Variants in IL17RB observed in about 807,000 individuals in gnomAD.
IL17RB encodes interleukin-17 receptor B.
In IL17RB, 36 loss-of-function variants were observed where a neutral mutation model predicts 43.9. That is an observed-to-expected ratio of 0.82 (90% CI 0.63 to 1.08). The LOEUF (loss-of-function observed/expected upper bound fraction) is 1.08. Among genes scored for constraint, IL17RB ranks in the 50% least tolerant of loss-of-function variants. The pLI is 0.00. For synonymous variants in IL17RB, 225 were observed against 225.4 expected (o/e 1.00, Z 0.02); for missense variants, 613 against 613.6 (o/e 1.00, Z 0.01).
intron 10 of IL17RB, chr3:53,860,787 A>G (rs1280897584): frequency 6.6e-6 from 1 of 152,226 alleles, no homozygotes; most frequent in Non-Finnish European, 1.5e-5. Context: ...AGAAAAAGGT[A>G]TGTCATAAAT....
In IL17RB at chr3:53,864,929, G is replaced by A; in HGVS notation, c.1130G>A (p.Gly377Asp). The change falls in exon 11 of 11, where the codon GGT becomes GAT. Residue 377 changes from glycine to aspartate, a missense_variant. Gly to Asp is a moderately conservative substitution (Grantham distance 94). Transcript: ENST00000288167. The part of the protein sequence containing the change: ...KWQKKKIAEM[G>D]PVQWLATQKK... ...CAGAAAAAGAAAATAGCAGAGATGG[G>A]TCCAGTGCAGTGGCTTGCCACTCAA... 2 of 1,614,198 alleles carry A rather than the reference G, an allele frequency of 1.2e-6. No homozygotes were observed. Among genetic ancestry groups the A allele is most frequent in the Non-Finnish European group, 1.7e-6 (2 of 1,180,024 alleles).
rs950804575 is a variant in IL17RB, at chr3:53,864,611, C to T, written c.947-135C>T. ...TCAAAAGGAACATCAGGATGTTTTT[C>T]CTTGCTGTCACTAACAAGGCCCTTG... is the stretch of plus-strand genomic sequence containing the variant. On this transcript the variant is annotated intron_variant, in intron 10 of 10. Transcript: ENST00000288167. 19 of 687,608 alleles carry T rather than the reference C, an allele frequency of 2.8e-5. No homozygotes were observed. In the African/African-American group the frequency reaches 3.0e-4, roughly 11 times the overall value. The allele number at this position is 687,608 out of a possible 1,614,324, so 42.6% of individuals were successfully genotyped here.
chr3:53,858,997 G>A (rs1255232912), intron 9 of IL17RB, 179 bp downstream of exon 9: 1 of 507,126 alleles, frequency 2.0e-6, no homozygotes, highest in African/African-American at 1.9e-5. Context: ...TAGAATCTGA[G>A]TAAGAACAGG....
intron 1 of IL17RB, among the ~76,000 whole-genome samples, chr3:53,848,296 G>T (rs150925818): frequency 6.6e-6 from 1 of 152,332 alleles, no homozygotes; most frequent in South Asian, 2.1e-4. Flanking sequence ...ACTCTAGGCC[G>T]TCCTAAAAAC....
intron 6 of IL17RB, among the ~76,000 whole-genome samples, chr3:53,856,190 G>T (rs1699327249): frequency 6.6e-6 from 1 of 152,208 alleles, no homozygotes; most frequent in Non-Finnish European, 1.5e-5. Context: ...ACAGTTCTGA[G>T]CCAGGGCCTC....
chr3:53,858,842 A>G, intron 9 of IL17RB, 24 bp downstream of exon 9: 1 of 1,569,782 alleles, frequency 6.4e-7, no homozygotes, highest in Non-Finnish European at 8.8e-7. Flanking sequence ...AACTTCAACC[A>G]GATGATCAAA....
In IL17RB at chr3:53,852,851, T is replaced by C; in HGVS notation, c.355-20T>C. 3 of 1,612,236 alleles carry C rather than the reference T, an allele frequency of 1.9e-6. No homozygotes were observed. Among genetic ancestry groups the C allele is most frequent in the Non-Finnish European group, 2.5e-6 (3 of 1,178,516 alleles). Reference sequence around the variant, plus strand: ...ACTGCAGTGTTTTGGGAATTGAGAGTTCCTTGCTTTGCCTTTCAGTGGACA... The same window carrying C: ...ACTGCAGTGTTTTGGGAATTGAGAGCTCCTTGCTTTGCCTTTCAGTGGACA... On this transcript the variant is annotated intron_variant, in intron 4 of 10. Coordinates refer to ENST00000288167, the MANE Select transcript of IL17RB (RefSeq NM_018725.4).
chr3:53,857,775 T>C, intron 8 of IL17RB, 85 bp downstream of exon 8: 1 of 1,215,542 alleles, frequency 8.2e-7, no homozygotes, highest in African/African-American at 1.5e-5. Context: ...GAGTTCTCTC[T>C]TGTCAAATGC....
chr3:53,847,964 G>A (rs943593547), intron 1 of IL17RB, among the ~76,000 whole-genome samples: 13 of 152,332 alleles, frequency 8.5e-5, no homozygotes, highest in South Asian at 4.1e-4. Context: ...GCTGCTGGAC[G>A]TATCACATTG....
chr3:53,857,935 T>TCCAAAC, intron 8 of IL17RB: 1 of 493,830 alleles, frequency 2.0e-6, no homozygotes, highest in Non-Finnish European at 3.7e-6. Flanking sequence ...CTTTTTATTT[T>TCCAAAC]CATTTTCTGT....
intron 6 of IL17RB, among the ~76,000 whole-genome samples, chr3:53,855,994 G>A (rs931640054): frequency 6.6e-6 from 1 of 152,184 alleles, no homozygotes; most frequent in East Asian, 1.9e-4. Context: ...ATTTGGATCA[G>A]CCCAGAACTC....
At position 53,849,730 on chromosome 3, in the gene IL17RB, C is replaced by G; in HGVS notation, c.161C>G (p.Thr54Arg). ...AGGGACCTCCGAGTAGAACCTGTTACAACTAGTGTTGCAACAGGGGACTAT... is the reference window on the plus strand; with the variant it reads ...AGGGACCTCCGAGTAGAACCTGTTAGAACTAGTGTTGCAACAGGGGACTAT... ...DLRDLRVEPV[T>R]TSVATGDYSI... The change falls in exon 3 of 11, where the codon ACA becomes AGA. Residue 54 changes from threonine to arginine, a missense_variant. By Grantham distance (71) the Thr-to-Arg change is moderately conservative. Coordinates refer to ENST00000288167, the MANE Select transcript of IL17RB (RefSeq NM_018725.4). 1 of 1,612,806 alleles carries G rather than the reference C, an allele frequency of 6.2e-7. No homozygotes were observed. Among genetic ancestry groups the G allele is most frequent in the Non-Finnish European group, 8.5e-7 (1 of 1,179,230 alleles).
intron 1 of IL17RB, among the ~76,000 whole-genome samples, chr3:53,848,358 C>A (rs1699012860): frequency 6.6e-6 from 1 of 152,232 alleles, no homozygotes. Flanking sequence ...CCCAAGTCAT[C>A]CCCTGCTTGC....
Position 53,851,931 on chromosome 3 carries a change from C to T in IL17RB, c.227-68C>T, listed in dbSNP as rs548664246. The T allele has an allele frequency of 3.9e-4, 580 of 1,501,602 alleles. 6 individuals are homozygous for T. The South Asian group carries it at 5.2e-3, about 13-fold the overall frequency. The allele number at this position is 1,501,602 out of a possible 1,614,324, so 93.0% of individuals were successfully genotyped here. On this transcript the variant is annotated intron_variant, in intron 3 of 10. Transcript: ENST00000288167. ...CATAAAATAAAGCATGCTAGTAAAG[C>T]ATCTAGCATCAAGTCAGCCACACAG... is the stretch of plus-strand genomic sequence containing the variant.
chr3:53,855,138 AAAATT>A (rs1453863350), intron 5 of IL17RB, among the ~76,000 whole-genome samples, 151 bp from the exon 6 acceptor site: 1 of 151,682 alleles, frequency 6.6e-6, no homozygotes, highest in African/African-American at 2.4e-5. Flanking sequence ...AAAAAAAAAA[AAAATT>A]AGAGCCCCAT....
intron 10 of IL17RB, among the ~76,000 whole-genome samples, chr3:53,862,295 A>T (rs146793771): frequency 5.1e-4 from 78 of 152,286 alleles, no homozygotes; most frequent in Admixed American, 3.1e-3. Context: ...GGCTCATTAC[A>T]CACAGTACTT....
At chr3:53,854,387 G>C (rs759492078) in intron 5 of IL17RB, among the ~76,000 whole-genome samples, 1 of 152,192 alleles carries the variant, frequency 6.6e-6, no homozygotes, top group South Asian at 2.1e-4. Context: ...GCTTTTTCAT[G>C]AATGTCCTCT....
At chr3:53,849,852 C>A (rs1273581127) in intron 3 of IL17RB, 57 bp downstream of exon 3, 10 of 1,491,574 alleles carry the variant, frequency 6.7e-6, no homozygotes, top group Admixed American at 2.0e-5. Context: ...CAGAAATGTG[C>A]AGACTATATG....
chr3:53,857,540 C>G (rs1157656912), intron 7 of IL17RB, 76 bp from the exon 8 acceptor site: 1 of 1,339,194 alleles, frequency 7.5e-7, no homozygotes. Context: ...CTGCCTTGGC[C>G]TCCCAAAGTG....
Sources: allele counts gnomAD v4.1 joint callset (sites outside exome capture counted in the v4.1 genomes callset), GRCh38; gene constraint gnomAD v4.1.1; transcripts MANE v1.5; gene names NCBI Gene and HGNC (gene_info 2026-07-23, HGNC 2026-07-21).